DYNC1H1: variants seen among roughly 807,000 people sequenced by gnomAD.
The protein encoded by DYNC1H1 is dynein cytoplasmic 1 heavy chain 1.
A neutral mutation model predicts 527.1 loss-of-function variants in DYNC1H1; 51 were observed. The ratio of observed to expected loss-of-function variants is 0.10; its 90% CI spans 0.08 to 0.12. The LOEUF is 0.12. DYNC1H1 is among the 10% of genes least tolerant of loss of function. The pLI is 1.00. For missense variants in DYNC1H1, 2,771 were observed against 5,971.8 expected, an observed-to-expected ratio of 0.46 and a Z score of 17.66; for synonymous variants, 2,189 against 2,278.8, an observed-to-expected ratio of 0.96 and a Z score of 1.12.
intron 23 of DYNC1H1, among the ~76,000 whole-genome samples, chr14:102,003,797 C>T (rs753022793): frequency 8.6e-5 from 13 of 152,006 alleles, no homozygotes; most frequent in Non-Finnish European, 1.6e-4. Flanking sequence ...ATGATGGCAG[C>T]TGCCTATAAT....
At chr14:102,035,527 G>C (rs1323812429) in intron 56 of DYNC1H1, 1 of 152,270 alleles carries the variant, frequency 6.6e-6, no homozygotes, top group Non-Finnish European at 1.5e-5. Context: ...CCACTTCTAG[G>C]TGTTCATTCA....
rs1347843972 is a variant in DYNC1H1, at chr14:102,056,244, TTC to T, written c.*5683_*5684del. 6.6e-6 allele frequency: 1 copy of T among 152,234 alleles called. No homozygotes were observed. Among genetic ancestry groups the T allele is most frequent in the Non-Finnish European group, 1.5e-5 (1 of 68,046 alleles). 9.4% of individuals were successfully genotyped at this position (152,234 alleles called of 1,614,324 possible). A position where few individuals can be genotyped will look rare whatever the true frequency, so the allele number is the denominator to read the frequency against. On this transcript the variant is annotated 3_prime_UTR_variant, in exon 78 of 78. Transcript: ENST00000360184. ...GAACATCGTGAGACTCCCTGCTCTGTTCTGTTTCACTCTGACTACCAGTGCAT... is the reference window on the plus strand; with the variant it reads ...GAACATCGTGAGACTCCCTGCTCTGTTGTTTCACTCTGACTACCAGTGCAT...
At chr14:101,996,790 T>A (rs1326359051) in intron 15 of DYNC1H1, among the ~76,000 whole-genome samples, 1 of 152,030 alleles carries the variant, frequency 6.6e-6, no homozygotes, top group Non-Finnish European at 1.5e-5. Context: ...CCTGGCTAAT[T>A]TTTTTCTTTT....
intron 16 of DYNC1H1, among the ~76,000 whole-genome samples, chr14:101,998,429 G>A (rs1383544144): frequency 2.0e-5 from 3 of 152,146 alleles, no homozygotes; most frequent in Non-Finnish European, 4.4e-5. Context: ...ATCCAATTGG[G>A]TTATGGTGGG....
chr14:101,964,580 G>T lies in DYNC1H1; in HGVS notation c.-112G>T. 5 of 1,519,466 alleles carry T rather than the reference G, an allele frequency of 3.3e-6. No individual in the cohort carries two copies. Among genetic ancestry groups the T allele is most frequent in the African/African-American group, 1.4e-5 (1 of 72,176 alleles). 94.1% of individuals were successfully genotyped at this position (1,519,466 alleles called of 1,614,324 possible). A position where few individuals can be genotyped will look rare whatever the true frequency, so the allele number is the denominator to read the frequency against. On this transcript the variant is annotated 5_prime_UTR_variant, in exon 1 of 78. Transcript: ENST00000360184. The surrounding 1 kb of genome is among the most constrained non-coding windows in gnomAD (Gnocchi z 5.5). ...CCGGCTCCCGCTCTCCTCAGTCTGC[G>T]GTGGGCTAGCGGACGGTCCGGCTTC...
Position 102,016,587 on chromosome 14 carries a change from T to G in DYNC1H1, c.7614+98T>G. ...CATGGACCTTGGCTTCGTCTTTTCA[T>G]TTTATTCCATTTCATAGAAGGACTT... On this transcript the variant is annotated intron_variant, in intron 37 of 77. Coordinates refer to ENST00000360184, the MANE Select transcript of DYNC1H1 (RefSeq NM_001376.5). The surrounding 1 kb of genome is among the most constrained non-coding windows in gnomAD (Gnocchi z 7.3). 4 of 1,604,182 alleles carry G rather than the reference T, an allele frequency of 2.5e-6. No homozygotes were observed. The highest frequency in any genetic ancestry group is 3.4e-6 in the Non-Finnish European group (4 of 1,172,318).
At position 102,036,545 on chromosome 14, in the gene DYNC1H1, A is replaced by G; in HGVS notation, c.10811A>G (p.Tyr3604Cys). Residue 3604 changes from tyrosine (Y) to cysteine (C), a missense_variant, in exon 57 of 78, where the codon TAT becomes TGT. Tyr to Cys is a radical substitution (Grantham distance 194, BLOSUM62 -2). This residue lies in a region of DYNC1H1 where 283 missense variants were observed against 737.6 expected (regional missense o/e 0.38). Transcript: ENST00000360184. The surrounding 1 kb of genome is among the most constrained non-coding windows in gnomAD (Gnocchi z 5.6). ...GQATEFIMNE[Y>C]KDRKITRTSF... ...GCCACAGAATTCATTATGAATGAAT[A>G]TAAGGATCGTAAGATCACACGGACC... 1.2e-6 allele frequency: 2 copies of G among 1,614,160 alleles called. No individual in the cohort carries two copies. Among genetic ancestry groups the G allele is most frequent in the Non-Finnish European group, 1.7e-6 (2 of 1,180,020 alleles).
chr14:102,048,677 A>G lies in DYNC1H1; in HGVS notation c.13372+8A>G. The G allele has an allele frequency of 6.2e-7, 1 of 1,612,530 alleles. No homozygotes were observed. Among genetic ancestry groups the G allele is most frequent in the Non-Finnish European group, 8.5e-7 (1 of 1,179,932 alleles). ...TCAACGAGCTAGTGAAAGGTGCGTGAGAGGCCGAACTCGTGGTGTGGCTTC... is the reference window on the plus strand; with the variant it reads ...TCAACGAGCTAGTGAAAGGTGCGTGGGAGGCCGAACTCGTGGTGTGGCTTC... On this transcript the variant is annotated splice_region_variant and intron_variant, in intron 74 of 77. Coordinates refer to ENST00000360184, the MANE Select transcript of DYNC1H1 (RefSeq NM_001376.5).
At position 101,997,403 on chromosome 14, in the gene DYNC1H1, A is replaced by G; in HGVS notation, c.3804+129A>G. 1 of 1,499,374 alleles carries G rather than the reference A, an allele frequency of 6.7e-7. No homozygotes were observed. Among genetic ancestry groups the G allele is most frequent in the Non-Finnish European group, 9.0e-7 (1 of 1,111,452 alleles). The allele number at this position is 1,499,374 out of a possible 1,614,324, so 92.9% of individuals were successfully genotyped here. ...TATTGAAGACTCTTTTCCTTTTTGT[A>G]GTTAAAAAAGCAGATGGAGATAGCA... On this transcript the variant is annotated intron_variant, in intron 16 of 77. Transcript: ENST00000360184. This position sits in a 1 kb window ranked among gnomAD's most constrained non-coding sequence, Gnocchi z 4.8.
Position 102,016,147 on chromosome 14 carries a change from C to T in DYNC1H1, c.7473+61C>T. 1 of 1,546,244 alleles carries T rather than the reference C, an allele frequency of 6.5e-7. No individual in the cohort carries two copies. Among genetic ancestry groups the T allele is most frequent in the South Asian group, 1.2e-5 (1 of 85,044 alleles). ...CTGCGCCAGACCACAGGTCTGAGGA[C>T]CTCTGAAATGCTGCACCTGTGGGGA... On this transcript the variant is annotated intron_variant, in intron 36 of 77. Coordinates refer to ENST00000360184, the MANE Select transcript of DYNC1H1 (RefSeq NM_001376.5). This position sits in a 1 kb window ranked among gnomAD's most constrained non-coding sequence, Gnocchi z 7.3.
rs2047642901 is a variant in DYNC1H1 at position 101,964,716 on chromosome 14, G to A, written c.25G>A (p.Gly9Ser). 2.5e-6 allele frequency: 4 copies of A among 1,597,194 alleles called. No individual in the cohort carries two copies. Among genetic ancestry groups the A allele is most frequent in the Non-Finnish European group, 2.6e-6 (3 of 1,176,232 alleles). Residue 9 changes from glycine (G) to serine (S), a missense_variant, in exon 1 of 78, where the codon GGC (glycine) becomes AGC (serine). Physicochemically the swap from Gly to Ser is moderately conservative, Grantham distance 56. Transcript: ENST00000360184. The surrounding 1 kb of genome is among the most constrained non-coding windows in gnomAD (Gnocchi z 5.5). ...CATGTCGGAGCCCGGGGGCGGCGGCGGCGAGGACGGCTCGGCCGGATTGGA... is the reference window on the plus strand; with the variant it reads ...CATGTCGGAGCCCGGGGGCGGCGGCAGCGAGGACGGCTCGGCCGGATTGGA... Reference protein sequence around the residue: MSEPGGGGGEDGSAGLEVS... With the variant: MSEPGGGGSEDGSAGLEVS...
In DYNC1H1 at chr14:102,022,505, CA is replaced by C. The variant is rs559692888; in HGVS notation, c.8508-230del. ...TTGGCGACAGAGAGAGACTCCGTCT[CA>C]AAAAAAAAAAAAAAAGTGAGACTCT... On this transcript the variant is annotated intron_variant, in intron 42 of 77. Coordinates refer to ENST00000360184, the MANE Select transcript of DYNC1H1 (RefSeq NM_001376.5). 0.085 allele frequency among the ~76,000 whole-genome samples: 5,829 copies of C among 68,790 alleles called. 197 individuals are homozygous for C. The highest frequency in any genetic ancestry group is 0.21 in the African/African-American group (4,066 of 19,816). The allele number at this position is 68,790 out of a possible 152,430, so 45.1% of individuals were successfully genotyped here.
At position 102,012,142 on chromosome 14, in the gene DYNC1H1, TCTC is replaced by T; in HGVS notation, c.6857+32_6857+34del. ...CGTCTTCTTTGATCTGTGTTTGTGT[TCTC>T]CTGGATATGGGCGCTAAGTACTTTG... On this transcript the variant is annotated intron_variant, in intron 33 of 77. Transcript: ENST00000360184. The surrounding 1 kb of genome is among the most constrained non-coding windows in gnomAD (Gnocchi z 4.9). The T allele has an allele frequency of 6.2e-7, 1 of 1,613,742 alleles. No individual in the cohort carries two copies. The highest frequency in any genetic ancestry group is 1.6e-4 in the Middle Eastern group (1 of 6,062).
In DYNC1H1 at chr14:102,039,744, C is replaced by CA; in HGVS notation, c.11690+13dup. 6.2e-7 allele frequency: 1 copy of CA among 1,614,106 alleles called. No homozygotes were observed. Among genetic ancestry groups the CA allele is most frequent in the Non-Finnish European group, 8.5e-7 (1 of 1,179,994 alleles). Reference sequence around the variant, plus strand: ...AAGGGCACCGTGGGGTAAGAGCACTCACGCCCACAGGAGGATGCCATATTG... The same window carrying CA: ...AAGGGCACCGTGGGGTAAGAGCACTCAACGCCCACAGGAGGATGCCATATTG... On this transcript the variant is annotated intron_variant, in intron 62 of 77. Coordinates refer to ENST00000360184, the MANE Select transcript of DYNC1H1 (RefSeq NM_001376.5). This position sits in a 1 kb window ranked among gnomAD's most constrained non-coding sequence, Gnocchi z 7.0.
intron 15 of DYNC1H1, among the ~76,000 whole-genome samples, chr14:101,995,571 A>C (rs1005102463): frequency 6.6e-6 from 1 of 151,182 alleles, no homozygotes; most frequent in Non-Finnish European, 1.5e-5. Flanking sequence ...AAATTGTGCC[A>C]CTGCATTCCA....
At chr14:102,024,746 G>C (rs1289215356) in intron 43 of DYNC1H1, among the ~76,000 whole-genome samples, 1 of 140,730 alleles carries the variant, frequency 7.1e-6, no homozygotes, top group African/African-American at 2.7e-5. Context: ...CCAGGCTAGA[G>C]TGCAGTGGTG....
At chr14:101,987,057 G>A (rs878892307) in intron 8 of DYNC1H1, among the ~76,000 whole-genome samples, 2 of 152,380 alleles carry the variant, frequency 1.3e-5, no homozygotes, top group Admixed American at 1.3e-4. Flanking sequence ...TGAAAGCAGA[G>A]CAGGCTCTAG....
At position 102,026,681 on chromosome 14, in the gene DYNC1H1, C is replaced by T. The variant is rs1285965151; in HGVS notation, c.8745C>T (p.Val2915=). The T allele has an allele frequency of 1.9e-6, 3 of 1,614,078 alleles. No individual in the cohort carries two copies. The Admixed American group carries it at 5.0e-5, about 27-fold the overall frequency. Residue 2915 remains valine, a synonymous_variant, in exon 44 of 78, where the codon GTC becomes GTT. Transcript: ENST00000360184. ...LDVPLVLFNE[V]LDHVLRIDRI... The stretch of plus-strand genomic sequence containing the variant: ...TTCCGCTGGTGCTGTTTAATGAAGT[C>T]CTAGACCACGTGCTGAGGATTGACA...
chr14:102,038,655 G>A lies in DYNC1H1; in HGVS notation c.11056-43G>A, dbSNP rs1567021008. On this transcript the variant is annotated intron_variant, in intron 58 of 77. Coordinates refer to ENST00000360184, the MANE Select transcript of DYNC1H1 (RefSeq NM_001376.5). This position sits in a 1 kb window ranked among gnomAD's most constrained non-coding sequence, Gnocchi z 7.2. ...GGGAAATCTGGCAGGATGTGGTTTT[G>A]AAACTGGATTAAGACAGACTGTTCT... 2 of 1,614,122 alleles carry A rather than the reference G, an allele frequency of 1.2e-6. No homozygotes were observed. The highest frequency in any genetic ancestry group is 2.2e-5 in the South Asian group (2 of 91,086).
Sources: allele counts gnomAD v4.1 joint callset (sites outside exome capture counted in the v4.1 genomes callset), GRCh38; gene constraint gnomAD v4.1.1; regional missense constraint gnomAD v4.1.1; non-coding constraint Gnocchi (gnomAD v3.1); transcripts MANE v1.5; gene names NCBI Gene and HGNC (gene_info 2026-07-23, HGNC 2026-07-21).